The following PDE4D variants were observed in gnomAD, a reference collection of about 807,000 sequenced individuals.
PDE4D encodes the protein phosphodiesterase 4D.
In PDE4D, 24 loss-of-function variants were observed where a neutral mutation model predicts 87.4. The ratio of observed to expected loss-of-function variants is 0.27; its 90% CI spans 0.20 to 0.39. The LOEUF is 0.39. Ranked by LOEUF, PDE4D falls within the 10% of genes least tolerant of loss-of-function variation. The probability of loss-of-function intolerance (pLI) is 1.00; values close to 1 mark genes in which losing one functional copy is unlikely to be tolerated. For missense variants in PDE4D, 714 were observed against 1,041.0 expected (o/e 0.69, Z 4.32); for synonymous variants, 384 against 383.2 (o/e 1.00, Z -0.02).
At chr5:59,269,575 G>T (rs187264748) in intron 1 of PDE4D, among the ~76,000 whole-genome samples, 1 of 152,116 alleles carries the variant, frequency 6.6e-6, no homozygotes, top group Non-Finnish European at 1.5e-5. Flanking sequence ...GAGTAAAACT[G>T]TAAGTGATCT....
intron 1 of PDE4D, among the ~76,000 whole-genome samples, chr5:59,358,098 T>C (rs1308359792): frequency 1.3e-5 from 2 of 152,178 alleles, no homozygotes; most frequent in African/African-American, 2.4e-5. Context: ...TCATATAATT[T>C]CAATAAAAGC....
intron 1 of PDE4D, among the ~76,000 whole-genome samples, chr5:59,244,698 GTGTGTGTGTGTGTGTGTGTGTGTGTA>G (rs1758470564): frequency 6.8e-6 from 1 of 146,416 alleles, no homozygotes; most frequent in African/African-American, 2.5e-5. Context: ...GTGTGTGTGT[GTGTGTGTGTGTGTGTGTGTGTGTGTA>G]TAGAGAGACC....
intron 5 of PDE4D, among the ~76,000 whole-genome samples, chr5:59,143,151 T>C (rs1412503675): frequency 6.6e-6 from 1 of 151,080 alleles, no homozygotes; most frequent in Non-Finnish European, 1.5e-5. Context: ...CATCCCTTCC[T>C]CCTTCCCTTC....
chr5:59,573,885 C>A (rs1381817680), intron 1 of PDE4D, among the ~76,000 whole-genome samples: 2 of 149,564 alleles, frequency 1.3e-5, no homozygotes, highest in African/African-American at 5.0e-5. Flanking sequence ...GTAGTCCCAG[C>A]AACTCGGGAG....
chr5:59,716,434 C>T (rs1755039170), intron 1 of PDE4D, among the ~76,000 whole-genome samples: 1 of 152,186 alleles, frequency 6.6e-6, no homozygotes, highest in Non-Finnish European at 1.5e-5. Flanking sequence ...TGACATCTGA[C>T]AAAATCAAAT....
intron 1 of PDE4D, among the ~76,000 whole-genome samples, chr5:59,690,534 G>C (rs181151059): frequency 2.6e-5 from 4 of 152,148 alleles, no homozygotes; most frequent in African/African-American, 4.8e-5. Context: ...AGCTGAAACT[G>C]GATCTCTTCC....
rs72765991 is a variant in PDE4D, at chr5:59,282,365, G to A, written c.456-66397C>T. Among the ~76,000 whole-genome samples the A allele has an allele frequency of 4.7e-3, 711 of 152,152 alleles. 5 individuals carry two copies. Among genetic ancestry groups the A allele is most frequent in the Non-Finnish European group, 7.8e-3 (533 of 68,006 alleles). On this transcript the variant is annotated intron_variant, in intron 1 of 14. Coordinates refer to ENST00000340635, the MANE Select transcript of PDE4D (RefSeq NM_001104631.2). ...TCATTAAAATAAGATTGGAGGCTGC[G>A]CGCGGTGGCTCATGCCTATAATCCC...
chr5:59,535,569 T>C (rs1221138179), intron 1 of PDE4D, among the ~76,000 whole-genome samples: 2 of 152,204 alleles, frequency 1.3e-5, no homozygotes, highest in African/African-American at 4.8e-5. Context: ...TGGGCCCTGT[T>C]GTCAACAATA....
intron 1 of PDE4D, among the ~76,000 whole-genome samples, chr5:59,475,429 G>A (rs1422130762): frequency 6.6e-6 from 1 of 151,978 alleles, no homozygotes; most frequent in Non-Finnish European, 1.5e-5. Flanking sequence ...ACTGTCTTGG[G>A]GATAACAAAT....
intron 1 of PDE4D, among the ~76,000 whole-genome samples, chr5:59,839,327 A>C (rs1025638324): frequency 1.3e-5 from 2 of 151,960 alleles, no homozygotes; most frequent in Non-Finnish European, 2.9e-5. Flanking sequence ...TAATTGGCTC[A>C]TCCCAAGTTA....
chr5:59,905,899 T>C (rs907764087), intron 3 of PDE4D, among the ~76,000 whole-genome samples: 1 of 152,126 alleles, frequency 6.6e-6, no homozygotes, highest in African/African-American at 2.4e-5. Context: ...AAGCCGGCAA[T>C]GAATATTTTA....
intron 1 of PDE4D, among the ~76,000 whole-genome samples, chr5:59,249,546 G>GA (rs1759510206): frequency 6.6e-6 from 1 of 152,030 alleles, no homozygotes; most frequent in Non-Finnish European, 1.5e-5. Context: ...GAAACAGCCT[G>GA]AATATCCAAT....
At chr5:60,272,419 A>G (rs970492094) in intron 1 of PDE4D, among the ~76,000 whole-genome samples, 3 of 152,248 alleles carry the variant, frequency 2.0e-5, no homozygotes, top group African/African-American at 7.2e-5. Context: ...AATGAACTGC[A>G]ATCTTTTAAA....
chr5:59,137,525 CT>C (rs61134818), intron 5 of PDE4D, among the ~76,000 whole-genome samples: 120 of 139,564 alleles, frequency 8.6e-4, no homozygotes, highest in African/African-American at 1.1e-3. Context: ...GGGAAAGTTT[CT>C]TTTTTTTTTT....
At chr5:59,418,112 C>G (rs942474267) in intron 1 of PDE4D, among the ~76,000 whole-genome samples, 1 of 152,154 alleles carries the variant, frequency 6.6e-6, no homozygotes, top group Non-Finnish European at 1.5e-5. Context: ...TCTCCTTACT[C>G]TAGTCTTCTG....
At chr5:59,297,095 G>A (rs570480886) in intron 1 of PDE4D, among the ~76,000 whole-genome samples, 1 of 152,124 alleles carries the variant, frequency 6.6e-6, no homozygotes, top group Non-Finnish European at 1.5e-5. Flanking sequence ...ATTGAAATAG[G>A]AGGGATCAAC....
intron 1 of PDE4D, among the ~76,000 whole-genome samples, chr5:59,334,042 T>C (rs1311283132): frequency 6.6e-6 from 1 of 152,022 alleles, no homozygotes; most frequent in Admixed American, 6.5e-5. Context: ...CTTCATATGC[T>C]TAATGTTAAG....
At chr5:60,007,400 G>C (rs758038140) in intron 2 of PDE4D, among the ~76,000 whole-genome samples, 17 of 151,972 alleles carry the variant, frequency 1.1e-4, no homozygotes, top group Non-Finnish European at 1.9e-4. Flanking sequence ...CAAAACGATT[G>C]AAAATGGAAT....
chr5:59,750,084 C>CTTT lies in PDE4D; in HGVS notation c.455+143081_455+143083dup, dbSNP rs35243469. Among the ~76,000 whole-genome samples, 421 of 131,412 alleles carry CTTT rather than the reference C, an allele frequency of 3.2e-3. 2 individuals carry two copies. The highest frequency in any genetic ancestry group is 0.012 in the African/African-American group (403 of 34,976). 86.2% of individuals were successfully genotyped at this position (131,412 alleles called of 152,430 possible). ...TTCAAATGGTAGACAGAATTATGAC[C>CTTT]TTTTTTTTTTTTTTTTTTTTAACTA... is the stretch of plus-strand genomic sequence containing the variant. On this transcript the variant is annotated intron_variant, in intron 1 of 14. Transcript: ENST00000340635.
Sources: allele counts gnomAD v4.1 joint callset (sites outside exome capture counted in the v4.1 genomes callset), GRCh38; gene constraint gnomAD v4.1.1; transcripts MANE v1.5; gene names NCBI Gene and HGNC (gene_info 2026-07-23, HGNC 2026-07-21).